KCNIP4: variants seen among roughly 807,000 people sequenced by gnomAD.
KCNIP4 encodes potassium voltage-gated channel interacting protein 4.
A neutral mutation model predicts 34.0 loss-of-function variants in KCNIP4; 12 were observed. That is an observed-to-expected ratio of 0.35 (90% CI 0.23 to 0.57). The LOEUF (loss-of-function observed/expected upper bound fraction) is 0.57. Among genes scored for constraint, KCNIP4 ranks in the 20% least tolerant of loss-of-function variants. KCNIP4 has a pLI of 0.83. For synonymous variants in KCNIP4, 124 were observed against 102.2 expected (o/e 1.21, Z -1.29); for missense variants, 238 against 311.7 (o/e 0.76, Z 1.78).
chr4:20,729,915 C>CT lies in KCNIP4; in HGVS notation c.*166dup. On this transcript the variant is annotated 3_prime_UTR_variant, in exon 9 of 9. Transcript: ENST00000382152. ...TTATGAAAAGGATGCAAATTTATAA[C>CT]TGAAAGCTCAAATCTTTTGGGGATT... The CT allele has an allele frequency of 1.4e-6, 1 of 710,478 alleles. No homozygotes were observed. Among genetic ancestry groups the CT allele is most frequent in the Non-Finnish European group, 2.1e-6 (1 of 479,282 alleles). The allele number at this position is 710,478 out of a possible 1,614,324, so 44.0% of individuals were successfully genotyped here.
chr4:20,779,583 C>CT (rs1756678634), intron 3 of KCNIP4, among the ~76,000 whole-genome samples: 1 of 133,780 alleles, frequency 7.5e-6, no homozygotes. Context: ...ACAACCCCCC[C>CT]CCCCCACACA....
rs537856921 is a variant in KCNIP4, at chr4:21,697,316, T to TAAAAAA, written c.61+251249_61+251254dup. On this transcript the variant is annotated intron_variant, in intron 1 of 8. Coordinates refer to ENST00000382152, the MANE Select transcript of KCNIP4 (RefSeq NM_025221.6). ...ATTACCATGCTCTACTAGCCTCTACTAAAAAAAAAAAAAAAAAAAAAAAAA... is the reference window on the plus strand; with the variant it reads ...ATTACCATGCTCTACTAGCCTCTACTAAAAAAAAAAAAAAAAAAAAAAAAAAAAAAA... The TAAAAAA allele has an allele frequency of 4.0e-4, 487 of 1,226,968 alleles. 15 individuals are homozygous for TAAAAAA. In the African/African-American group the frequency reaches 9.6e-3, roughly 24 times the overall value. 76.0% of individuals were successfully genotyped at this position (1,226,968 alleles called of 1,614,324 possible).
chr4:21,886,011 T>C (rs1726743243), intron 1 of KCNIP4, among the ~76,000 whole-genome samples: 2 of 152,134 alleles, frequency 1.3e-5, no homozygotes, highest in Middle Eastern at 3.2e-3. Context: ...CCCCTTGTCA[T>C]GTGGATAAGG....
intron 1 of KCNIP4, among the ~76,000 whole-genome samples, chr4:21,400,155 G>A (rs879858398): frequency 6.6e-6 from 1 of 152,116 alleles, no homozygotes. Context: ...CCCACTATGA[G>A]TTCAGTTTAA....
chr4:21,856,158 G>A (rs532573915), intron 1 of KCNIP4, among the ~76,000 whole-genome samples: 1 of 152,184 alleles, frequency 6.6e-6, no homozygotes, highest in South Asian at 2.1e-4. Context: ...ATTTATCATG[G>A]TGCTGATATA....
At chr4:21,827,797 T>A (rs1231877941) in intron 1 of KCNIP4, among the ~76,000 whole-genome samples, 1 of 152,024 alleles carries the variant, frequency 6.6e-6, no homozygotes, top group East Asian at 1.9e-4. Context: ...CAATCTAAGT[T>A]TACACTACTG....
chr4:21,749,681 C>T (rs1423461524), intron 1 of KCNIP4, among the ~76,000 whole-genome samples: 5 of 152,250 alleles, frequency 3.3e-5, no homozygotes, highest in South Asian at 2.1e-4. Context: ...TCTCCCATCA[C>T]TGCCCTCCAC....
At chr4:21,766,215 A>G (rs1033762244) in intron 1 of KCNIP4, among the ~76,000 whole-genome samples, 2 of 152,166 alleles carry the variant, frequency 1.3e-5, no homozygotes, top group African/African-American at 4.8e-5. Context: ...TTGGGGTTCT[A>G]CAAGGTTTAT....
intron 1 of KCNIP4, among the ~76,000 whole-genome samples, chr4:21,503,684 A>G (rs1036392590): frequency 6.6e-6 from 1 of 152,308 alleles, no homozygotes; most frequent in South Asian, 2.1e-4. Flanking sequence ...CTTTTATAGC[A>G]GAAAAGTGAC....
chr4:21,652,304 T>C (rs1272153806), intron 1 of KCNIP4, among the ~76,000 whole-genome samples: 2 of 152,214 alleles, frequency 1.3e-5, no homozygotes, highest in African/African-American at 4.8e-5. Context: ...GAACCTGGAT[T>C]CTGTTAGGGG....
intron 1 of KCNIP4, among the ~76,000 whole-genome samples, chr4:21,417,234 A>G (rs941833327): frequency 6.6e-6 from 1 of 151,836 alleles, no homozygotes; most frequent in African/African-American, 2.4e-5. Context: ...AAAGAGAGAG[A>G]CTGTATTTCC....
At chr4:21,375,372 T>C (rs1029513615) in intron 1 of KCNIP4, among the ~76,000 whole-genome samples, 1 of 152,104 alleles carries the variant, frequency 6.6e-6, no homozygotes, top group African/African-American at 2.4e-5. Context: ...CCCATTGACT[T>C]GGGCCATTTA....
intron 1 of KCNIP4, among the ~76,000 whole-genome samples, chr4:21,238,650 A>G (rs1456869956): frequency 6.6e-6 from 1 of 152,200 alleles, no homozygotes; most frequent in African/African-American, 2.4e-5. Context: ...AGAATAAAAT[A>G]CCTAGGAATC....
chr4:21,800,777 A>G (rs73256562), intron 1 of KCNIP4, among the ~76,000 whole-genome samples: 28 of 152,302 alleles, frequency 1.8e-4, no homozygotes, highest in Non-Finnish European at 3.8e-4. Context: ...CCTTCCCCAA[A>G]TAAATTGCAG....
intron 1 of KCNIP4, among the ~76,000 whole-genome samples, chr4:21,462,692 AAT>A (rs1729565324): frequency 6.6e-6 from 1 of 150,436 alleles, no homozygotes. Context: ...CAGTTAACAT[AAT>A]GTCTTCCAGG....
At chr4:20,803,723 GA>G (rs539685899) in intron 3 of KCNIP4, among the ~76,000 whole-genome samples, 15,265 of 117,594 alleles carry the variant, frequency 0.13, 1,295 homozygotes, top group Non-Finnish European at 0.16. Flanking sequence ...GAGAGAGAGA[GA>G]GAGAGGAAGG....
chr4:20,965,818 A>G lies in KCNIP4; in HGVS notation c.62-83109T>C, dbSNP rs1042710196. On this transcript the variant is annotated intron_variant, in intron 1 of 8. Transcript: ENST00000382152. Reference sequence around the variant, plus strand: ...AAATGCTGAGCTATATGTTAGTTTTATTGTTGATGCATTGTAGAAGAGAGA... The same window carrying G: ...AAATGCTGAGCTATATGTTAGTTTTGTTGTTGATGCATTGTAGAAGAGAGA... Among the ~76,000 whole-genome samples, 6 of 152,110 alleles carry G rather than the reference A, an allele frequency of 3.9e-5. No homozygotes were observed. The South Asian group carries it at 8.3e-4, about 21-fold the overall frequency.
intron 1 of KCNIP4, among the ~76,000 whole-genome samples, chr4:21,134,650 T>C (rs1220345165): frequency 1.3e-5 from 2 of 152,202 alleles, no homozygotes; most frequent in African/African-American, 2.4e-5. Context: ...TGGCTTCTTC[T>C]CATAGATTTT....
intron 1 of KCNIP4, among the ~76,000 whole-genome samples, chr4:20,924,019 C>T (rs1245892277): frequency 6.6e-6 from 1 of 152,124 alleles, no homozygotes; most frequent in Non-Finnish European, 1.5e-5. Context: ...GAGAGTACCA[C>T]ATATGATTTA....
Sources: allele counts gnomAD v4.1 joint callset (sites outside exome capture counted in the v4.1 genomes callset), GRCh38; gene constraint gnomAD v4.1.1; transcripts MANE v1.5; gene names NCBI Gene and HGNC (gene_info 2026-07-23, HGNC 2026-07-21).